SLC25A43: variants seen among roughly 807,000 people sequenced by gnomAD.
The protein encoded by SLC25A43 is solute carrier family 25 member 43.
SLC25A43 carries 10 observed loss-of-function variants against 22.8 expected under a neutral mutation model. The observed-to-expected ratio is 0.44, with a 90% CI of 0.27 to 0.74. The LOEUF (loss-of-function observed/expected upper bound fraction) is 0.74, where lower values mean the gene tolerates loss of function less well. Ranked by LOEUF, SLC25A43 falls within the 30% of genes least tolerant of loss-of-function variation. The pLI, the probability that SLC25A43 is intolerant of heterozygous loss-of-function variation, is 0.17. For missense variants in SLC25A43, 233 were observed against 279.1 expected (o/e 0.83, Z 1.18); for synonymous variants, 106 against 121.6 (o/e 0.87, Z 0.84).
chrX:119,424,585 A>C (rs2052486805), intron 3 of SLC25A43, among the ~76,000 whole-genome samples: 1 of 111,873 alleles, frequency 8.9e-6, no homozygotes, highest in Non-Finnish European at 1.9e-5. Context: ...CGGGAAAGCA[A>C]ACCTTGATAT....
At chrX:119,430,146 C>T (rs2052540237) in intron 3 of SLC25A43, among the ~76,000 whole-genome samples, 1 of 111,659 alleles carries the variant, frequency 9.0e-6, no homozygotes, top group Admixed American at 9.6e-5. Flanking sequence ...TGACAAGCTG[C>T]GTGACATGTT....
intron 3 of SLC25A43, among the ~76,000 whole-genome samples, chrX:119,443,839 G>C (rs1037648640): frequency 9.2e-6 from 1 of 109,233 alleles, no homozygotes; most frequent in Admixed American, 9.9e-5. Flanking sequence ...TCAACTTCCT[G>C]GGCTCGGTCG....
intron 3 of SLC25A43, among the ~76,000 whole-genome samples, chrX:119,418,804 T>G (rs1049904491): frequency 8.9e-6 from 1 of 111,839 alleles, no homozygotes; most frequent in Non-Finnish European, 1.9e-5. Context: ...TGCCCCCAAC[T>G]TGGTGTGCTT....
intron 3 of SLC25A43, among the ~76,000 whole-genome samples, chrX:119,446,151 CAAAAAAAAAAAAAAA>C (rs3078475): frequency 7.8e-5 from 3 of 38,699 alleles, no homozygotes; most frequent in African/African-American, 1.0e-4. Flanking sequence ...GACTCCATCT[CAAAAAAAAAAAAAAA>C]AAAAAAAAAA....
chrX:119,432,301 A>G (rs1308869801), intron 3 of SLC25A43, among the ~76,000 whole-genome samples: 4 of 112,018 alleles, frequency 3.6e-5, no homozygotes, highest in Non-Finnish European at 5.6e-5. Flanking sequence ...TTGAGGAGCA[A>G]TTATAGTTTA....
intron 1 of SLC25A43, among the ~76,000 whole-genome samples, chrX:119,401,367 G>A (rs972313288): frequency 8.9e-6 from 1 of 111,900 alleles, no homozygotes; most frequent in Non-Finnish European, 1.9e-5. Context: ...GGAGCTTACA[G>A]AGTAATAGAA....
At position 119,399,645 on chromosome X, in the gene SLC25A43, C is replaced by A; in HGVS notation, c.242C>A (p.Pro81His). The change falls in exon 1 of 5, where the codon CCC (proline) becomes CAC (histidine). Residue 81 changes from proline (P) to histidine (H), a missense_variant. Coordinates refer to ENST00000217909, the MANE Select transcript of SLC25A43 (RefSeq NM_145305.3). ...GCGGTGGCGTGCCTGCGCCTCTTCC[C>A]CTGCAGCGCCGTGCAGCTCGCCGCC... The part of the protein sequence containing the change: ...GNAVACLRLF[P>H]CSAVQLAAYR... 1 of 1,004,412 alleles carries A rather than the reference C, an allele frequency of 1.0e-6. No individual in the cohort carries two copies. Among genetic ancestry groups the A allele is most frequent in the Non-Finnish European group, 1.3e-6 (1 of 795,703 alleles). 82.8% of individuals were successfully genotyped at this position (1,004,412 alleles called of 1,213,427 possible).
chrX:119,448,829 C>T (rs900296469), intron 3 of SLC25A43, among the ~76,000 whole-genome samples: 5 of 111,874 alleles, frequency 4.5e-5, no homozygotes, highest in African/African-American at 1.6e-4. Flanking sequence ...GGAACAGGGA[C>T]TTTTGTCTGT....
At chrX:119,446,861 A>G (rs902272108) in intron 3 of SLC25A43, among the ~76,000 whole-genome samples, 1 of 112,481 alleles carries the variant, frequency 8.9e-6, no homozygotes, top group Non-Finnish European at 1.9e-5. Flanking sequence ...ACTAGGAAAA[A>G]CAGACATGTA....
At chrX:119,443,941 G>A (rs889812146) in intron 3 of SLC25A43, among the ~76,000 whole-genome samples, 5 of 107,866 alleles carry the variant, frequency 4.6e-5, no homozygotes, top group Non-Finnish European at 5.7e-5. Flanking sequence ...CTTTTGTAGA[G>A]ATGAGGTTTC....
At chrX:119,431,135 C>T (rs1294754966) in intron 3 of SLC25A43, among the ~76,000 whole-genome samples, 1 of 112,100 alleles carries the variant, frequency 8.9e-6, no homozygotes, top group African/African-American at 3.2e-5. Context: ...CTCACCAACT[C>T]CATTTTGTCA....
intron 2 of SLC25A43, among the ~76,000 whole-genome samples, chrX:119,409,513 C>CT (rs34555153): frequency 0.055 from 5,128 of 92,733 alleles, 153 homozygotes; most frequent in Middle Eastern, 0.12. Context: ...GCCAGCCCAC[C>CT]TTTTTTTTTT....
chrX:119,403,401 T>A (rs1219161068), intron 1 of SLC25A43, among the ~76,000 whole-genome samples: 1 of 110,782 alleles, frequency 9.0e-6, no homozygotes, highest in African/African-American at 3.3e-5. Flanking sequence ...GCGATTCTCC[T>A]GCCTCAGCCT....
intron 3 of SLC25A43, among the ~76,000 whole-genome samples, chrX:119,431,498 G>A (rs1402456723): frequency 2.2e-5 from 2 of 92,617 alleles, no homozygotes; most frequent in East Asian, 6.5e-4. Flanking sequence ...GGAAGACAGT[G>A]AGACTGTGTC....
chrX:119,451,112 G>A (rs894416157), intron 3 of SLC25A43, among the ~76,000 whole-genome samples: 1 of 111,577 alleles, frequency 9.0e-6, no homozygotes. Context: ...GCAGTGAGCC[G>A]AGATCATGCC....
chrX:119,434,771 A>G (rs193182445), intron 3 of SLC25A43: 63 of 107,896 alleles, frequency 5.8e-4, no homozygotes, highest in African/African-American at 1.8e-3. Flanking sequence ...ACCTGTGAAT[A>G]GCCTGTGTTG....
In SLC25A43 at chrX:119,452,951, A is replaced by G. The variant is rs1356177093; in HGVS notation, c.912A>G (p.Pro304=). The stretch of plus-strand genomic sequence containing the variant: ...ATCAAAATGGTTACATTCTGTCTCC[A>G]CTGAGCTATAAATTGACCCCAGGAG... ...CLYQNGYILS[P]LSYKLTPGVD... Residue 304 remains proline, a synonymous_variant, in exon 5 of 5, where the codon CCA becomes CCG. Coordinates refer to ENST00000217909, the MANE Select transcript of SLC25A43 (RefSeq NM_145305.3). 2 of 1,209,828 alleles carry G rather than the reference A, an allele frequency of 1.7e-6. No individual in the cohort carries two copies. Among genetic ancestry groups the G allele is most frequent in the Admixed American group, 4.3e-5 (2 of 45,981 alleles).
At chrX:119,435,524 T>A (rs1242297668) in intron 3 of SLC25A43, among the ~76,000 whole-genome samples, 1 of 67,703 alleles carries the variant, frequency 1.5e-5, no homozygotes, top group Non-Finnish European at 2.7e-5. Context: ...ATTGTGCAGG[T>A]TAGTTACATA....
chrX:119,430,630 A>T (rs961943964), intron 3 of SLC25A43, among the ~76,000 whole-genome samples: 11 of 112,398 alleles, frequency 9.8e-5, no homozygotes, highest in African/African-American at 3.6e-4. Context: ...CATCAGAATC[A>T]GCTGGGGAGC....
Sources: gnomAD v4.1 joint callset for allele counts (sites outside exome capture counted in the v4.1 genomes callset) on GRCh38, gnomAD v4.1.1 for gene constraint, MANE v1.5 for transcripts, NCBI Gene and HGNC (gene_info 2026-07-23, HGNC 2026-07-21) for gene names.